Variants in HUWE1 observed in about 807,000 individuals in gnomAD.
The protein encoded by HUWE1 is E3 ubiquitin-protein ligase HUWE1.
A neutral mutation model predicts 299.4 loss-of-function variants in HUWE1; 18 were observed. That is an observed-to-expected ratio of 0.06 (90% CI 0.04 to 0.09). The LOEUF is 0.09. HUWE1 is among the 10% of genes least tolerant of loss of function. HUWE1 has a pLI of 1.00. For synonymous variants in HUWE1, 1,317 were observed against 1,286.1 expected (o/e 1.02, Z -0.51); for missense variants, 1,832 against 3,462.3 (o/e 0.53, Z 11.82).
At chrX:53,580,693 A>C (rs2063573745) in intron 43 of HUWE1, 138 bp downstream of exon 43, 1 of 595,705 alleles carries the variant, frequency 1.7e-6, no homozygotes, top group Non-Finnish European at 2.7e-6. Context: ...AATTGACCCA[A>C]ACAATCAATT....
At chrX:53,539,849 A>G in intron 74 of HUWE1, 37 bp from the exon 75 acceptor site, 3 of 1,174,064 alleles carry the variant, frequency 2.6e-6, no homozygotes, top group Non-Finnish European at 3.4e-6. Context: ...AAAGTCTTCA[A>G]AATTTCCCTT....
At position 53,536,672 on chromosome X, in the gene HUWE1, A is replaced by G. The variant is rs1556913333; in HGVS notation, c.12138-5T>C. On this transcript the variant is annotated splice_region_variant and splice_polypyrimidine_tract_variant and intron_variant, in intron 78 of 83. Transcript: ENST00000262854. ...TCTCCTTCAAATACTATATACCTGC[A>G]TAAGAAAGCAGAAGCAGAAAAGAGC... The G allele has an allele frequency of 1.7e-6, 2 of 1,206,510 alleles. No homozygotes were observed. The highest frequency in any genetic ancestry group is 3.0e-5 in the East Asian group (1 of 33,849).
intron 4 of HUWE1, among the ~76,000 whole-genome samples, chrX:53,648,523 T>TAAAAAAAAAAA (rs1557037695): frequency 3.4e-5 from 3 of 86,984 alleles, no homozygotes; most frequent in African/African-American, 2.6e-4. Flanking sequence ...CACCTGGGCT[T>TAAAAAAAAAAA]AAAAAACAAA....
intron 23 of HUWE1, among the ~76,000 whole-genome samples, chrX:53,611,417 A>C (rs1182066035): frequency 9.0e-6 from 1 of 111,723 alleles, no homozygotes; most frequent in Non-Finnish European, 1.9e-5. Context: ...GTCAGATATA[A>C]TATACACATA....
intron 35 of HUWE1, 82 bp downstream of exon 35, chrX:53,590,322 T>C (rs2064090715): frequency 3.1e-6 from 2 of 642,280 alleles, no homozygotes; most frequent in Non-Finnish European, 5.3e-6. Flanking sequence ...TTCTATCAAT[T>C]AGTTTGCAAT....
intron 47 of HUWE1, 92 bp downstream of exon 47, chrX:53,573,658 G>A (rs2147960871): frequency 7.9e-6 from 6 of 761,758 alleles, no homozygotes; most frequent in Admixed American, 4.6e-5. Context: ...TTAGCACTTA[G>A]CATGCACAGC....
intron 45 of HUWE1, among the ~76,000 whole-genome samples, 189 bp from the exon 46 acceptor site, chrX:53,575,410 G>A (rs2063052622): frequency 9.0e-6 from 1 of 111,168 alleles, no homozygotes; most frequent in Non-Finnish European, 1.9e-5. Context: ...GGAGACTGTG[G>A]GGGAGGCGGG....
chrX:53,541,834 T>C (rs920781892), intron 74 of HUWE1, among the ~76,000 whole-genome samples: 7 of 111,667 alleles, frequency 6.3e-5, no homozygotes, highest in Admixed American at 5.7e-4. Flanking sequence ...TTACTGTATC[T>C]TAGCTTAGGT....
chrX:53,576,725 CATACT>C (rs1373643280), intron 44 of HUWE1, among the ~76,000 whole-genome samples, 170 bp downstream of exon 44: 3 of 112,271 alleles, frequency 2.7e-5, no homozygotes, highest in Non-Finnish European at 5.6e-5. Context: ...CCTGGTATGT[CATACT>C]ATATGACTAT....
chrX:53,646,904 GAC>G (rs1557036434), intron 6 of HUWE1, among the ~76,000 whole-genome samples: 3 of 111,711 alleles, frequency 2.7e-5, no homozygotes, highest in Non-Finnish European at 5.6e-5. Flanking sequence ...ACTCTTCAAG[GAC>G]ACAAAGGATG....
intron 19 of HUWE1, among the ~76,000 whole-genome samples, chrX:53,623,647 A>C (rs782197851): frequency 2.9e-4 from 32 of 109,322 alleles, no homozygotes; most frequent in Non-Finnish European, 5.5e-4. Context: ...GTCATAAGAC[A>C]AAAAAAAAGG....
intron 6 of HUWE1, among the ~76,000 whole-genome samples, chrX:53,645,963 T>C (rs2068006594): frequency 9.2e-6 from 1 of 109,132 alleles, no homozygotes; most frequent in Non-Finnish European, 1.9e-5. Flanking sequence ...CTAACTGGAC[T>C]AAAAGTATTG....
chrX:53,602,843 C>CT lies in HUWE1; in HGVS notation c.2877-186dup, dbSNP rs1209240887. On this transcript the variant is annotated intron_variant, in intron 27 of 83. Coordinates refer to ENST00000262854, the MANE Select transcript of HUWE1 (RefSeq NM_031407.7). ...GTAGCACCCCACAAGCTTTCCAATT[C>CT]TTTTTTTTTTCTTTTTTTTTTTTTG... is the stretch of plus-strand genomic sequence containing the variant. 4.3e-3 allele frequency among the ~76,000 whole-genome samples: 441 copies of CT among 102,772 alleles called. 3 individuals are homozygous for CT. Among genetic ancestry groups the CT allele is most frequent in the African/African-American group, 0.014 (400 of 28,152 alleles). 89.2% of individuals were successfully genotyped at this position (102,772 alleles called of 115,157 possible).
chrX:53,535,546 G>C (rs1309465108), intron 80 of HUWE1, 45 bp from the exon 81 acceptor site: 5 of 881,822 alleles, frequency 5.7e-6, no homozygotes, highest in Non-Finnish European at 8.3e-6. Context: ...ACTTCATCTA[G>C]GATGGGATTA....
At chrX:53,591,615 A>G (rs1470365673) in intron 33 of HUWE1, among the ~76,000 whole-genome samples, 1 of 112,049 alleles carries the variant, frequency 8.9e-6, no homozygotes, top group Non-Finnish European at 1.9e-5. Flanking sequence ...ATCCAACAAT[A>G]AAAGAATGAC....
At chrX:53,555,036 C>T in intron 60 of HUWE1, 116 bp from the exon 61 acceptor site, 1 of 533,026 alleles carries the variant, frequency 1.9e-6, no homozygotes, top group African/African-American at 2.3e-5. Context: ...TGATCATCCC[C>T]ACAACAAAAA....
intron 76 of HUWE1, 127 bp from the exon 77 acceptor site, chrX:53,538,581 A>T: frequency 1.7e-6 from 1 of 576,494 alleles, no homozygotes. Context: ...GGACTAGTCA[A>T]AACCAAGGGC....
In HUWE1 at chrX:53,595,314, G is replaced by A; in HGVS notation, c.3253C>T (p.His1085Tyr). 1 of 1,210,636 alleles carries A rather than the reference G, an allele frequency of 8.3e-7. No homozygotes were observed. Among genetic ancestry groups the A allele is most frequent in the Non-Finnish European group, 1.1e-6 (1 of 894,854 alleles). Residue 1085 changes from histidine (H) to tyrosine (Y), a missense_variant, in exon 30 of 84, where the codon CAT becomes TAT. His to Tyr is a moderately conservative substitution (Grantham distance 83). Around this residue, in one of 15 missense-constraint regions of HUWE1, gnomAD observed 658 missense variants for 1,282.6 expected, o/e 0.51. Transcript: ENST00000262854. The part of the protein sequence containing the change: ...VGSPVRQRRS[H>Y]HAASTTTAPT... ...GCTGTAGTGGTGCTGGCAGCATGATGGCTCCTTCTCTGGCGGACAGGAGAT... is the reference window on the plus strand; with the variant it reads ...GCTGTAGTGGTGCTGGCAGCATGATAGCTCCTTCTCTGGCGGACAGGAGAT...
At chrX:53,565,383 G>GAA in intron 49 of HUWE1, 144 bp from the exon 50 acceptor site, 1 of 524,071 alleles carries the variant, frequency 1.9e-6, no homozygotes, top group Non-Finnish European at 3.0e-6. Flanking sequence ...CTTTTGTTTA[G>GAA]AAAAAAAAAA....
Sources: allele counts gnomAD v4.1 joint callset (sites outside exome capture counted in the v4.1 genomes callset), GRCh38; gene constraint gnomAD v4.1.1; regional missense constraint gnomAD v4.1.1; transcripts MANE v1.5; gene names NCBI Gene and HGNC (gene_info 2026-07-23, HGNC 2026-07-21).